The following ABCC11 variants were observed in gnomAD, a reference collection of about 807,000 sequenced individuals.
ABCC11 encodes the protein ATP-binding cassette sub-family C member 11.
In ABCC11, 135 loss-of-function variants were observed where a neutral mutation model predicts 149.3. The ratio of observed to expected loss-of-function variants is 0.90; its 90% CI spans 0.79 to 1.04. ABCC11 has a LOEUF of 1.04. ABCC11 is among the 50% of genes least tolerant of loss of function. ABCC11 has a pLI of 0.00. For missense variants in ABCC11, 1,680 were observed against 1,722.1 expected (o/e 0.98, Z 0.43); for synonymous variants, 665 against 671.4 (o/e 0.99, Z 0.15).
At position 48,178,687 on chromosome 16, in the gene ABCC11, C is replaced by T. The variant is rs557978432; in HGVS notation, c.3259-1G>A. 4 of 1,614,142 alleles carry T rather than the reference C, an allele frequency of 2.5e-6. No individual in the cohort carries two copies. Among genetic ancestry groups the T allele is most frequent in the Non-Finnish European group, 3.4e-6 (4 of 1,179,994 alleles). ...CAGTGGCCTGGAAGCTGGACGCCAG[C>T]TAGAAGGAAGGAGAAGTATCGGGGG... On this transcript the variant is annotated splice_acceptor_variant, in intron 23 of 29. Coordinates refer to ENST00000356608, the MANE Select transcript of ABCC11 (RefSeq NM_001370497.1). LOFTEE classifies it high-confidence loss of function.
At chr16:48,216,541 T>C (rs1969356846) in intron 6 of ABCC11, among the ~76,000 whole-genome samples, 1 of 152,214 alleles carries the variant, frequency 6.6e-6, no homozygotes, top group Admixed American at 6.5e-5. Context: ...ATGGGTTTTG[T>C]GAGATTTCAA....
chr16:48,209,305 C>G (rs900708363), intron 11 of ABCC11: 1 of 152,242 alleles, frequency 6.6e-6, no homozygotes, highest in Admixed American at 6.5e-5. Flanking sequence ...AAAGATCCCT[C>G]TGTCATGGTA....
chr16:48,185,286 C>T (rs1010139530), intron 22 of ABCC11, among the ~76,000 whole-genome samples: 12 of 152,150 alleles, frequency 7.9e-5, no homozygotes, highest in Admixed American at 2.0e-4. Context: ...AAGTTTATTC[C>T]GTGAACATCT....
At chr16:48,244,691 G>A in intron 1 of ABCC11, 1 of 1,120,302 alleles carries the variant, frequency 8.9e-7, no homozygotes. Flanking sequence ...CCCAGGCCAC[G>A]GCCTGCCTTG....
chr16:48,207,968 C>T (rs1327160089), intron 12 of ABCC11, among the ~76,000 whole-genome samples: 5 of 152,106 alleles, frequency 3.3e-5, no homozygotes, highest in South Asian at 2.1e-4. Context: ...TCTCTTCCGA[C>T]GCCATCCTAA....
chr16:48,193,043 A>G (rs2150788382), intron 19 of ABCC11, among the ~76,000 whole-genome samples: 1 of 152,190 alleles, frequency 6.6e-6, no homozygotes, highest in African/African-American at 2.4e-5. Flanking sequence ...TGCCAAGGAG[A>G]GGCACCCACA....
chr16:48,234,420 C>T (rs1376722753), intron 1 of ABCC11, among the ~76,000 whole-genome samples: 2 of 151,936 alleles, frequency 1.3e-5, no homozygotes, highest in Non-Finnish European at 2.9e-5. Context: ...TCTCAAAGTT[C>T]ATGAAAATTT....
chr16:48,170,261 G>T, intron 27 of ABCC11, 43 bp from the exon 28 acceptor site: 1 of 1,522,666 alleles, frequency 6.6e-7, no homozygotes, highest in Non-Finnish European at 9.1e-7. Flanking sequence ...GGAAGCCACT[G>T]TGGGGTGAGA....
intron 19 of ABCC11, among the ~76,000 whole-genome samples, 164 bp downstream of exon 19, chr16:48,193,715 A>C (rs1967124928): frequency 6.6e-6 from 1 of 152,160 alleles, no homozygotes; most frequent in South Asian, 2.1e-4. Context: ...TGCCAGGGGA[A>C]CCCCAGAGTC....
chr16:48,234,104 T>C (rs552945920), intron 1 of ABCC11, among the ~76,000 whole-genome samples: 1 of 152,260 alleles, frequency 6.6e-6, no homozygotes, highest in Non-Finnish European at 1.5e-5. Context: ...AGCCCTGATA[T>C]GTAGCCTTTG....
chr16:48,177,102 C>T lies in ABCC11; in HGVS notation c.3360G>A (p.Ser1120=), dbSNP rs552190839. The change falls in exon 25 of 30, where the codon TCG becomes TCA. Residue 1120 remains serine, a synonymous_variant. Coordinates refer to ENST00000356608, the MANE Select transcript of ABCC11 (RefSeq NM_001370497.1). ...RILQYMKMCV[S]EAPLHMEGTS... is the part of the protein sequence containing the mutation. ...TGCCTTCCATGTGTAAAGGAGCTTC[C>T]GAGACACACATCTTGTTTTTGAAGA... is the stretch of plus-strand genomic sequence containing the variant. The T allele has an allele frequency of 1.5e-5, 24 of 1,612,628 alleles. No homozygotes were observed. Among genetic ancestry groups the T allele is most frequent in the Admixed American group, 6.7e-5 (4 of 59,660 alleles).
chr16:48,186,740 G>C (rs1336805513), intron 22 of ABCC11, among the ~76,000 whole-genome samples: 1 of 152,138 alleles, frequency 6.6e-6, no homozygotes, highest in Non-Finnish European at 1.5e-5. Flanking sequence ...GGTCTTTAAA[G>C]TTTACAAACA....
intron 1 of ABCC11, among the ~76,000 whole-genome samples, chr16:48,232,971 G>A (rs537195476): frequency 3.0e-4 from 46 of 152,256 alleles, no homozygotes; most frequent in Admixed American, 4.6e-4. Flanking sequence ...AGGCTGAGGC[G>A]GGAGGACTGC....
At chr16:48,217,157 A>G (rs1210563794) in intron 6 of ABCC11, among the ~76,000 whole-genome samples, 1 of 152,144 alleles carries the variant, frequency 6.6e-6, no homozygotes, top group Non-Finnish European at 1.5e-5. Context: ...TTTGCTTGGT[A>G]ACACCACTAA....
At chr16:48,170,803 AACACC>A (rs1365074291) in intron 27 of ABCC11, 81 bp downstream of exon 27, 2 of 1,245,242 alleles carry the variant, frequency 1.6e-6, no homozygotes, top group Non-Finnish European at 2.3e-6. Flanking sequence ...CAGCAGCTGG[AACACC>A]ACATGAGAGG....
chr16:48,190,807 A>G (rs964479205), intron 20 of ABCC11, among the ~76,000 whole-genome samples: 5 of 152,230 alleles, frequency 3.3e-5, no homozygotes, highest in Non-Finnish European at 2.9e-5. Context: ...GACCATGCTC[A>G]GCCAGTGGAG....
At chr16:48,178,731 G>A (rs758449925) in intron 23 of ABCC11, 45 bp from the exon 24 acceptor site, 1 of 1,548,578 alleles carries the variant, frequency 6.5e-7, no homozygotes, top group African/African-American at 1.4e-5. Flanking sequence ...CTGCTGGGGT[G>A]TGCTCAGGCT....
At chr16:48,169,279 G>A (rs1043381552) in intron 28 of ABCC11, among the ~76,000 whole-genome samples, 3 of 152,294 alleles carry the variant, frequency 2.0e-5, no homozygotes, top group African/African-American at 4.8e-5. Context: ...TAAGGAATCC[G>A]CTATCAGGCA....
At chr16:48,206,458 G>T (rs1169311427) in intron 12 of ABCC11, among the ~76,000 whole-genome samples, 1 of 152,124 alleles carries the variant, frequency 6.6e-6, no homozygotes, top group African/African-American at 2.4e-5. Flanking sequence ...AAAACAACAC[G>T]TTAAAAACAA....
Sources: allele counts gnomAD v4.1 joint callset (sites outside exome capture counted in the v4.1 genomes callset), GRCh38; gene constraint gnomAD v4.1.1; transcripts MANE v1.5; gene names NCBI Gene and HGNC (gene_info 2026-07-23, HGNC 2026-07-21).